AGBL4: variants seen among roughly 807,000 people sequenced by gnomAD.
AGBL4 encodes cytosolic carboxypeptidase 6.
In AGBL4, 58 loss-of-function variants were observed where a neutral mutation model predicts 66.4. That is an observed-to-expected ratio of 0.87 (90% confidence interval 0.71 to 1.09). The LOEUF (loss-of-function observed/expected upper bound fraction) is 1.09, where lower values mean the gene tolerates loss of function less well. Ranked by LOEUF, AGBL4 falls within the 50% of genes least tolerant of loss-of-function variation. The pLI is 0.00. For missense variants in AGBL4, 579 were observed against 631.0 expected, an observed-to-expected ratio of 0.92 and a Z score of 0.88; for synonymous variants, 234 against 222.9, an observed-to-expected ratio of 1.05 and a Z score of -0.44.
At chr1:50,004,239 T>C (rs1660971894) in intron 1 of AGBL4, among the ~76,000 whole-genome samples, 1 of 152,120 alleles carries the variant, frequency 6.6e-6, no homozygotes, top group Non-Finnish European at 1.5e-5. Flanking sequence ...GAAGGAACAT[T>C]TACACCAGCC....
At chr1:49,561,804 A>G (rs1158474817) in intron 3 of AGBL4, among the ~76,000 whole-genome samples, 1 of 152,104 alleles carries the variant, frequency 6.6e-6, no homozygotes. Context: ...ATGATTTATA[A>G]TCCTTTGGAT....
At chr1:48,594,411 A>G (rs557002809) in intron 9 of AGBL4, among the ~76,000 whole-genome samples, 9 of 152,338 alleles carry the variant, frequency 5.9e-5, no homozygotes, top group Admixed American at 1.3e-4. Flanking sequence ...TCCTTTGACC[A>G]TTTAAAAAAT....
At chr1:49,408,508 A>G (rs1645250450) in intron 3 of AGBL4, among the ~76,000 whole-genome samples, 1 of 152,240 alleles carries the variant, frequency 6.6e-6, no homozygotes, top group South Asian at 2.1e-4. Context: ...CATTTGAGTC[A>G]GTGGACTGGG....
chr1:49,710,576 TTAAAGTATAA>T (rs1322224048), intron 2 of AGBL4, among the ~76,000 whole-genome samples: 1 of 152,052 alleles, frequency 6.6e-6, no homozygotes, highest in South Asian at 2.1e-4. Context: ...ATCCCAGAAT[TTAAAGTATAA>T]TAATAAAACA....
intron 3 of AGBL4, among the ~76,000 whole-genome samples, chr1:49,374,553 T>G (rs775329602): frequency 6.6e-6 from 1 of 152,108 alleles, no homozygotes; most frequent in Non-Finnish European, 1.5e-5. Context: ...ACTCTGTCAA[T>G]GCACAGGAGA....
intron 6 of AGBL4, chr1:48,776,549 TCCCGGGGTCCCAGCCCCCG>T (rs1326125987): frequency 1.4e-6 from 1 of 702,090 alleles, no homozygotes; most frequent in South Asian, 2.2e-5. Context: ...CCCCGGCCCC[TCCCGGGGTCCCAGCCCCCG>T]CCCGGGTCCC....
At chr1:49,217,604 C>T (rs1199013127) in intron 4 of AGBL4, among the ~76,000 whole-genome samples, 1 of 152,074 alleles carries the variant, frequency 6.6e-6, no homozygotes, top group Non-Finnish European at 1.5e-5. Context: ...GGCCTATGCT[C>T]TTTTTGTGGC....
chr1:49,366,416 A>T (rs1433274451), intron 3 of AGBL4, among the ~76,000 whole-genome samples: 2 of 152,236 alleles, frequency 1.3e-5, no homozygotes, highest in African/African-American at 2.4e-5. Context: ...AAAAAAAATC[A>T]TCCCTCCATT....
rs372960346 is a variant in AGBL4, at chr1:50,002,359, C to CTTTTTTTTTTTTTT, written c.34+21390_34+21403dup. Among the ~76,000 whole-genome samples, 6 of 96,054 alleles carry CTTTTTTTTTTTTTT rather than the reference C, an allele frequency of 6.2e-5. 1 individual carries two copies. Among genetic ancestry groups the CTTTTTTTTTTTTTT allele is most frequent in the African/African-American group, 2.7e-4 (6 of 22,136 alleles). The allele number at this position is 96,054 out of a possible 152,430, so 63.0% of individuals were successfully genotyped here. A position where few individuals can be genotyped will look rare whatever the true frequency, so the allele number is the denominator to read the frequency against. ...TTGAGCCCTTAAATCTGCCCTAGTTCTTTTTTTTTTTTTTTTTTTTTTTTT... is the reference window on the plus strand; with the variant it reads ...TTGAGCCCTTAAATCTGCCCTAGTTCTTTTTTTTTTTTTTTTTTTTTTTTTTTTTTTTTTTTTTT... On this transcript the variant is annotated intron_variant, in intron 1 of 13. Coordinates refer to ENST00000371839, the MANE Select transcript of AGBL4 (RefSeq NM_032785.4).
At chr1:49,773,997 T>C (rs1644132914) in intron 2 of AGBL4, among the ~76,000 whole-genome samples, 1 of 152,198 alleles carries the variant, frequency 6.6e-6, no homozygotes, top group Non-Finnish European at 1.5e-5. Flanking sequence ...CTGTGGCACG[T>C]AAGCGGTAGA....
intron 5 of AGBL4, among the ~76,000 whole-genome samples, chr1:48,902,481 TTAG>T (rs1652181045): frequency 1.3e-5 from 2 of 151,942 alleles, no homozygotes; most frequent in East Asian, 3.9e-4. Context: ...TCCAAAGTAT[TTAG>T]TGGTTAAGAA....
intron 3 of AGBL4, among the ~76,000 whole-genome samples, chr1:49,473,218 A>T (rs1160536375): frequency 6.6e-6 from 1 of 152,136 alleles, no homozygotes; most frequent in Non-Finnish European, 1.5e-5. Flanking sequence ...AGAAATCTCC[A>T]AACTGCTTCC....
At chr1:49,965,939 ATT>A (rs1166636337) in intron 1 of AGBL4, among the ~76,000 whole-genome samples, 24 of 136,498 alleles carry the variant, frequency 1.8e-4, no homozygotes, top group African/African-American at 4.1e-4. Context: ...TATTACAATG[ATT>A]TTTTTTTTTT....
chr1:49,512,646 G>A (rs992367752), intron 3 of AGBL4, among the ~76,000 whole-genome samples: 1 of 151,872 alleles, frequency 6.6e-6, no homozygotes, highest in Non-Finnish European at 1.5e-5. Context: ...CCCAGAAGCA[G>A]ATACCATGAT....
chr1:48,687,413 C>T (rs9651190), intron 6 of AGBL4, among the ~76,000 whole-genome samples: 9,406 of 152,232 alleles, frequency 0.062, 925 homozygotes, highest in African/African-American at 0.21. Context: ...GGTGCTCTTG[C>T]TAGCAGGTGA....
intron 3 of AGBL4, among the ~76,000 whole-genome samples, chr1:49,493,783 A>AT (rs1262912812): frequency 6.6e-6 from 1 of 152,030 alleles, no homozygotes; most frequent in Non-Finnish European, 1.5e-5. Context: ...ATTTTGACAA[A>AT]AAATAAATCC....
chr1:49,110,336 A>G (rs192357141), intron 4 of AGBL4, among the ~76,000 whole-genome samples: 1 of 152,212 alleles, frequency 6.6e-6, no homozygotes, highest in Non-Finnish European at 1.5e-5. Context: ...TACATTCATT[A>G]TATCAGTCTG....
intron 6 of AGBL4, among the ~76,000 whole-genome samples, chr1:48,705,747 A>C (rs1301319117): frequency 6.6e-6 from 1 of 152,268 alleles, no homozygotes; most frequent in African/African-American, 2.4e-5. Flanking sequence ...TTAAATAGAA[A>C]GCAGAGGTGA....
chr1:49,452,478 T>C (rs1213951024), intron 3 of AGBL4, among the ~76,000 whole-genome samples: 15 of 151,904 alleles, frequency 9.9e-5, no homozygotes, highest in Admixed American at 9.8e-4. Context: ...TTCCCATCAG[T>C]CACTCCTTCT....
Sources: allele counts gnomAD v4.1 joint callset (sites outside exome capture counted in the v4.1 genomes callset), GRCh38; gene constraint gnomAD v4.1.1; transcripts MANE v1.5; gene names NCBI Gene and HGNC (gene_info 2026-07-23, HGNC 2026-07-21).